LRRC36: variants seen among roughly 807,000 people sequenced by gnomAD.
LRRC36 encodes leucine-rich repeat-containing protein 36.
LRRC36 carries 62 observed loss-of-function variants against 81.1 expected under a neutral mutation model. The observed-to-expected ratio is 0.76, with a 90% CI of 0.62 to 0.94. The LOEUF (loss-of-function observed/expected upper bound fraction) is 0.94. LRRC36 is among the 40% of genes least tolerant of loss of function. The pLI is 0.00. For missense variants in LRRC36, 761 were observed against 881.7 expected, an observed-to-expected ratio of 0.86 and a Z score of 1.73; for synonymous variants, 334 against 348.6, an observed-to-expected ratio of 0.96 and a Z score of 0.47.
chr16:67,329,526 CAAGTGACTCAGCCTCCTA>C (rs1481612946), intron 1 of LRRC36, among the ~76,000 whole-genome samples: 1 of 151,928 alleles, frequency 6.6e-6, no homozygotes. Flanking sequence ...CTCCTGACCT[CAAGTGACTCAGCCTCCTA>C]AAGTGAACAG....
chr16:67,342,145 A>G (rs2038118404), intron 2 of LRRC36, 61 bp downstream of exon 2: 2 of 1,253,642 alleles, frequency 1.6e-6, no homozygotes, highest in Admixed American at 2.3e-5. Context: ...ATGGGAAGAA[A>G]TAAGAGATAG....
At chr16:67,327,099 A>T in intron 1 of LRRC36, 167 bp downstream of exon 1, 1 of 560,388 alleles carries the variant, frequency 1.8e-6, no homozygotes. Context: ...GGTTAGAGGG[A>T]GGTGGAGGTG....
At chr16:67,364,599 C>A (rs1223021232) in intron 6 of LRRC36, among the ~76,000 whole-genome samples, 2 of 151,872 alleles carry the variant, frequency 1.3e-5, no homozygotes, top group Non-Finnish European at 2.9e-5. Flanking sequence ...GACTTAGAAA[C>A]AATCTCAGTT....
chr16:67,329,916 TA>T (rs1285609590), intron 1 of LRRC36, among the ~76,000 whole-genome samples: 1 of 152,152 alleles, frequency 6.6e-6, no homozygotes, highest in African/African-American at 2.4e-5. Flanking sequence ...AGTCTCCATC[TA>T]AAAAATAAAA....
At chr16:67,328,929 A>C (rs1486653550) in intron 1 of LRRC36, among the ~76,000 whole-genome samples, 2 of 147,876 alleles carry the variant, frequency 1.4e-5, no homozygotes, top group East Asian at 1.9e-4. Flanking sequence ...ATTATTTTTC[A>C]GATAGAGTTT....
intron 1 of LRRC36, among the ~76,000 whole-genome samples, chr16:67,332,498 G>A (rs534402567): frequency 1.3e-5 from 2 of 151,984 alleles, no homozygotes; most frequent in African/African-American, 2.4e-5. Flanking sequence ...AGCTTGCAGT[G>A]TGCCAAGATG....
chr16:67,330,862 C>CTAAATAAA (rs370088844), intron 1 of LRRC36, among the ~76,000 whole-genome samples: 4 of 151,642 alleles, frequency 2.6e-5, no homozygotes, highest in Middle Eastern at 3.2e-3. Flanking sequence ...GAGACTCAGT[C>CTAAATAAA]TAAATAAATA....
intron 6 of LRRC36, chr16:67,365,040 T>C: frequency 2.8e-6 from 1 of 360,010 alleles, no homozygotes; most frequent in Non-Finnish European, 5.0e-6. Context: ...CTACCTTCTA[T>C]GAGCTATCTA....
intron 7 of LRRC36, 111 bp from the exon 8 acceptor site, chr16:67,366,906 C>T: frequency 2.4e-6 from 2 of 824,276 alleles, no homozygotes; most frequent in Non-Finnish European, 3.9e-6. Context: ...CCACCTCTTC[C>T]TGAGAGGTGT....
In LRRC36 at chr16:67,326,883, G is replaced by A; in HGVS notation, c.21G>A (p.Leu7=). 1 of 1,460,910 alleles carries A rather than the reference G, an allele frequency of 6.8e-7. No homozygotes were observed. The highest frequency in any genetic ancestry group is 8.9e-7 in the Non-Finnish European group (1 of 1,118,030). The allele number at this position is 1,460,910 out of a possible 1,614,324, so 90.5% of individuals were successfully genotyped here. A position where few individuals can be genotyped will look rare whatever the true frequency, so the allele number is the denominator to read the frequency against. The change falls in exon 1 of 14, where the codon CTG becomes CTA. Residue 7 remains leucine (L), a synonymous_variant. Transcript: ENST00000329956. Reference sequence around the variant, plus strand: ...CGGGGATGGCGGAGCAATGGGAGCTGGACGAGGAAGGCATTCGCCGCCTGG... The same window carrying A: ...CGGGGATGGCGGAGCAATGGGAGCTAGACGAGGAAGGCATTCGCCGCCTGG... MAEQWE[L]DEEGIRRLGA...
intron 5 of LRRC36, chr16:67,362,404 GC>G (rs2039195547): frequency 3.9e-6 from 1 of 255,006 alleles, no homozygotes; most frequent in Non-Finnish European, 8.0e-6. Flanking sequence ...CTCATCATCC[GC>G]CCGCCTCAGC....
chr16:67,334,207 A>G lies in LRRC36; in HGVS notation c.70+7275A>G, dbSNP rs1408319704. 4.0e-5 allele frequency among the ~76,000 whole-genome samples: 6 copies of G among 149,020 alleles called. No homozygotes were observed. In the East Asian group the frequency reaches 1.0e-3, roughly 25 times the overall value. The stretch of plus-strand genomic sequence containing the variant: ...CCACTGTGCCCGGCTAATTTTTCAT[A>G]TTTTTAGTAGAGACCGGGTTTCACC... On this transcript the variant is annotated intron_variant, in intron 1 of 13. Coordinates refer to ENST00000329956, the MANE Select transcript of LRRC36 (RefSeq NM_018296.6).
chr16:67,331,106 AGAGAGAG>A (rs1567462441), intron 1 of LRRC36, among the ~76,000 whole-genome samples: 1 of 148,842 alleles, frequency 6.7e-6, no homozygotes, highest in Non-Finnish European at 1.5e-5. Context: ...AGAGAGAGAG[AGAGAGAG>A]AAGACTGAAC....
intron 5 of LRRC36, among the ~76,000 whole-genome samples, chr16:67,351,926 A>G (rs1479816200): frequency 6.6e-6 from 1 of 152,220 alleles, no homozygotes; most frequent in African/African-American, 2.4e-5. Context: ...TTTGGTATAC[A>G]GCCTTCCTTG....
intron 7 of LRRC36, among the ~76,000 whole-genome samples, chr16:67,365,636 T>C (rs557833370): frequency 6.6e-6 from 1 of 152,338 alleles, no homozygotes; most frequent in South Asian, 2.1e-4. Context: ...TTTTTATTCA[T>C]CCATTTGTTT....
intron 11 of LRRC36, among the ~76,000 whole-genome samples, chr16:67,377,899 C>G (rs902264190): frequency 6.6e-5 from 10 of 152,216 alleles, no homozygotes; most frequent in Non-Finnish European, 1.3e-4. Context: ...TCCCAAAGTG[C>G]TGCAATTACA....
intron 4 of LRRC36, among the ~76,000 whole-genome samples, chr16:67,347,875 T>C (rs553242487): frequency 2.4e-4 from 36 of 152,332 alleles, no homozygotes; most frequent in Non-Finnish European, 4.6e-4. Flanking sequence ...AGATTACTTA[T>C]TCCTATAAAT....
intron 2 of LRRC36, among the ~76,000 whole-genome samples, chr16:67,342,561 A>G (rs2038141344): frequency 6.6e-6 from 1 of 152,158 alleles, no homozygotes; most frequent in South Asian, 2.1e-4. Context: ...GGTCTTGGGA[A>G]AATTTAAGTC....
intron 5 of LRRC36, among the ~76,000 whole-genome samples, chr16:67,350,774 C>G (rs1261764019): frequency 1.3e-5 from 2 of 152,212 alleles, no homozygotes; most frequent in Non-Finnish European, 2.9e-5. Context: ...CACAGTGGCT[C>G]ACGCCTGTAA....
Sources: gnomAD v4.1 joint callset for allele counts (sites outside exome capture counted in the v4.1 genomes callset) on GRCh38, gnomAD v4.1.1 for gene constraint, MANE v1.5 for transcripts, NCBI Gene and HGNC (gene_info 2026-07-23, HGNC 2026-07-21) for gene names.